Variants in ANTXR2 observed in about 807,000 individuals in gnomAD.
ANTXR2 encodes the protein anthrax toxin receptor 2.
In ANTXR2, 44 loss-of-function variants were observed where a neutral mutation model predicts 73.7. That is an observed-to-expected ratio of 0.60 (90% CI 0.47 to 0.77). The LOEUF is 0.77. ANTXR2 is among the 30% of genes least tolerant of loss of function. ANTXR2 has a pLI of 0.00. For missense variants in ANTXR2, 604 were observed against 592.5 expected, an observed-to-expected ratio of 1.02 and a Z score of -0.20; for synonymous variants, 217 against 205.9, an observed-to-expected ratio of 1.05 and a Z score of -0.46.
In ANTXR2 at chr4:79,967,078, G is replaced by A. The variant is rs1484701923; in HGVS notation, c.1428+10543C>T. On this transcript the variant is annotated intron_variant, in intron 16 of 16. Transcript: ENST00000403729. The stretch of plus-strand genomic sequence containing the variant: ...TGTGTGTGCGCACCGTGCGCGAGCC[G>A]AAGCAGGGCGAGGAATTGCCTCACC... 5.6e-5 allele frequency among the ~76,000 whole-genome samples: 4 copies of A among 71,658 alleles called. 1 individual carries two copies. Among genetic ancestry groups the A allele is most frequent in the African/African-American group, 7.2e-5 (2 of 27,944 alleles). The allele number at this position is 71,658 out of a possible 152,430, so 47.0% of individuals were successfully genotyped here.
intron 16 of ANTXR2, among the ~76,000 whole-genome samples, chr4:79,925,998 G>C (rs1227617890): frequency 1.3e-5 from 2 of 152,006 alleles, no homozygotes; most frequent in Non-Finnish European, 2.9e-5. Flanking sequence ...CCATCAATGA[G>C]TGTATCCTTA....
chr4:80,020,630 C>T (rs1362114229), intron 10 of ANTXR2, among the ~76,000 whole-genome samples: 2 of 152,102 alleles, frequency 1.3e-5, no homozygotes, highest in Non-Finnish European at 2.9e-5. Context: ...AGTAATACAG[C>T]TAGGATTCTA....
At chr4:79,909,871 T>C (rs943256924) in intron 16 of ANTXR2, among the ~76,000 whole-genome samples, 16 of 152,154 alleles carry the variant, frequency 1.1e-4, no homozygotes, top group African/African-American at 3.6e-4. Flanking sequence ...TGTTAAGCAT[T>C]TCCCAGTTTT....
At chr4:80,045,015 AT>A (rs1733454015) in intron 7 of ANTXR2, among the ~76,000 whole-genome samples, 1 of 151,852 alleles carries the variant, frequency 6.6e-6, no homozygotes, top group Admixed American at 6.6e-5. Flanking sequence ...CTGAGAAGTT[AT>A]TTGAATTAAT....
At chr4:79,956,004 G>A (rs1376069589) in intron 16 of ANTXR2, among the ~76,000 whole-genome samples, 4 of 152,076 alleles carry the variant, frequency 2.6e-5, no homozygotes, top group East Asian at 3.9e-4. Context: ...TTGTGCTTTT[G>A]AACACGCTTG....
In ANTXR2 at chr4:80,033,473, C is replaced by T. The variant is rs766915835; in HGVS notation, c.795G>A (p.Thr265=). ...CTYTVNETYT[T]SVKPVSVQLN... ...ACACTGAGATTACTGGGGACCTACT[C>T]GTTGTATATGTTTCATTTACAGTGT... The change falls in exon 9 of 17, where the codon ACG becomes ACA. Residue 265 remains threonine (T), a splice_region_variant and synonymous_variant. Coordinates refer to ENST00000403729, the MANE Select transcript of ANTXR2 (RefSeq NM_058172.6). 5.0e-6 allele frequency: 8 copies of T among 1,594,862 alleles called. No individual in the cohort carries two copies. The highest frequency in any genetic ancestry group is 1.8e-5 in the Admixed American group (1 of 56,748).
At chr4:80,039,367 T>A (rs1008445339) in intron 7 of ANTXR2, among the ~76,000 whole-genome samples, 1 of 152,146 alleles carries the variant, frequency 6.6e-6, no homozygotes, top group Non-Finnish European at 1.5e-5. Flanking sequence ...GATGTCTGAA[T>A]GCAAATAGTT....
At chr4:80,000,724 G>A (rs1730988868) in intron 12 of ANTXR2, among the ~76,000 whole-genome samples, 1 of 152,036 alleles carries the variant, frequency 6.6e-6, no homozygotes, top group African/African-American at 2.4e-5. Context: ...TTCTGACTTT[G>A]ACATGTTTCT....
chr4:80,044,760 C>A (rs1733437703), intron 7 of ANTXR2, among the ~76,000 whole-genome samples: 1 of 151,658 alleles, frequency 6.6e-6, no homozygotes, highest in African/African-American at 2.4e-5. Flanking sequence ...AGAATGCAGT[C>A]CATTCCAGAA....
At chr4:80,019,479 T>C (rs1016878580) in intron 10 of ANTXR2, among the ~76,000 whole-genome samples, 2 of 152,246 alleles carry the variant, frequency 1.3e-5, no homozygotes, top group Admixed American at 6.5e-5. Context: ...AGTGGACTAA[T>C]TGTTTCTTTA....
intron 12 of ANTXR2, among the ~76,000 whole-genome samples, chr4:79,999,717 T>A (rs1730926724): frequency 1.3e-5 from 2 of 152,110 alleles, no homozygotes; most frequent in Admixed American, 6.6e-5. Context: ...GAAACTATCA[T>A]AATTTTAAAG....
At chr4:79,977,921 T>C in intron 15 of ANTXR2, 86 bp downstream of exon 15, 1 of 1,439,466 alleles carries the variant, frequency 6.9e-7, no homozygotes, top group Non-Finnish European at 9.4e-7. Context: ...CTACCCTCTT[T>C]CAAGTAGCTG....
intron 16 of ANTXR2, among the ~76,000 whole-genome samples, chr4:79,952,853 A>T (rs1036218457): frequency 1.3e-5 from 2 of 151,826 alleles, no homozygotes; most frequent in Non-Finnish European, 2.9e-5. Context: ...TATACAACAG[A>T]GAGTACAAAG....
chr4:79,936,122 T>G (rs1387229915), intron 16 of ANTXR2, among the ~76,000 whole-genome samples: 2 of 152,226 alleles, frequency 1.3e-5, no homozygotes, highest in African/African-American at 4.8e-5. Context: ...TTATTCATAG[T>G]TCTCAATGCA....
At chr4:80,015,274 C>T (rs1040584484) in intron 11 of ANTXR2, among the ~76,000 whole-genome samples, 2 of 152,186 alleles carry the variant, frequency 1.3e-5, no homozygotes, top group Non-Finnish European at 2.9e-5. Flanking sequence ...CCAATGGCAG[C>T]ATCATTCTTC....
intron 3 of ANTXR2, among the ~76,000 whole-genome samples, chr4:80,064,079 A>C (rs1242970057): frequency 6.6e-6 from 1 of 152,204 alleles, no homozygotes; most frequent in African/African-American, 2.4e-5. Flanking sequence ...TTCAGCTTTT[A>C]AGAAATTAGA....
chr4:80,015,166 C>T (rs930606906), intron 11 of ANTXR2, among the ~76,000 whole-genome samples: 2 of 152,160 alleles, frequency 1.3e-5, no homozygotes, highest in Non-Finnish European at 2.9e-5. Flanking sequence ...GAAGCTATAG[C>T]TACAAGTACC....
intron 10 of ANTXR2, among the ~76,000 whole-genome samples, chr4:80,021,149 C>CAA (rs35390197): frequency 0.16 from 9,754 of 59,854 alleles, 1,558 homozygotes; most frequent in East Asian, 0.63. Flanking sequence ...GACTCCATCT[C>CAA]AAAAAAAAAA....
chr4:79,977,891 A>G (rs2110012122), intron 15 of ANTXR2, 116 bp downstream of exon 15: 1 of 1,303,664 alleles, frequency 7.7e-7, no homozygotes, highest in Non-Finnish European at 1.1e-6. Context: ...AGAGTGTACA[A>G]TGAATATCTG....
Sources: gnomAD v4.1 joint callset for allele counts (sites outside exome capture counted in the v4.1 genomes callset) on GRCh38, gnomAD v4.1.1 for gene constraint, MANE v1.5 for transcripts, NCBI Gene and HGNC (gene_info 2026-07-23, HGNC 2026-07-21) for gene names.